The following NR2C1 variants were observed in gnomAD, a reference collection of about 807,000 sequenced individuals.
NR2C1 encodes the protein nuclear receptor subfamily 2 group C member 1, also known as TR2 nuclear hormone receptor.
NR2C1 carries 33 observed loss-of-function variants against 74.8 expected under a neutral mutation model. That is an observed-to-expected ratio of 0.44 (90% confidence interval 0.33 to 0.59). The LOEUF is 0.59. Among genes scored for constraint, NR2C1 ranks in the 20% least tolerant of loss-of-function variants. The probability of loss-of-function intolerance (pLI) is 0.02; values close to 1 mark genes in which losing one functional copy is unlikely to be tolerated. For synonymous variants in NR2C1, 225 were observed against 240.6 expected, an observed-to-expected ratio of 0.94 and a Z score of 0.60; for missense variants, 568 against 715.6, an observed-to-expected ratio of 0.79 and a Z score of 2.35.
intron 8 of NR2C1, 42 bp from the exon 9 acceptor site, chr12:95,049,275 G>A (rs750904172): frequency 3.3e-5 from 52 of 1,555,210 alleles, no homozygotes; most frequent in Non-Finnish European, 4.1e-5. Flanking sequence ...ACCAAACACC[G>A]CAATAAAATA....
intron 7 of NR2C1, among the ~76,000 whole-genome samples, chr12:95,056,023 C>G (rs1368828345): frequency 6.7e-6 from 1 of 149,812 alleles, no homozygotes; most frequent in Non-Finnish European, 1.5e-5. Context: ...CCCCAGCAAT[C>G]TGGAAGGCTG....
chr12:95,034,094 G>GT, intron 10 of NR2C1, among the ~76,000 whole-genome samples: 1 of 152,150 alleles, frequency 6.6e-6, no homozygotes, highest in East Asian at 1.9e-4. Context: ...GAAATCATTC[G>GT]TTAAGAATCA....
intron 10 of NR2C1, among the ~76,000 whole-genome samples, chr12:95,038,500 A>G (rs1036288208): frequency 1.3e-5 from 2 of 152,252 alleles, no homozygotes; most frequent in Non-Finnish European, 2.9e-5. Flanking sequence ...GCTCACGCCT[A>G]TAACACCAGC....
intron 9 of NR2C1, among the ~76,000 whole-genome samples, chr12:95,047,768 C>T (rs1424365666): frequency 6.6e-6 from 1 of 152,150 alleles, no homozygotes; most frequent in Non-Finnish European, 1.5e-5. Flanking sequence ...AGAGTCAAAA[C>T]AACAGGATCG....
chr12:95,046,190 T>TC (rs1453095409), intron 9 of NR2C1, among the ~76,000 whole-genome samples: 1 of 152,162 alleles, frequency 6.6e-6, no homozygotes, highest in Non-Finnish European at 1.5e-5. Context: ...AAATCAAACT[T>TC]CAAGTTTCAT....
chr12:95,053,833 G>GC (rs1565862077), intron 7 of NR2C1, among the ~76,000 whole-genome samples: 2 of 151,738 alleles, frequency 1.3e-5, no homozygotes, highest in Admixed American at 1.3e-4. Flanking sequence ...ACAGGCGCCC[G>GC]CCACCATGCC....
At chr12:95,049,398 G>A (rs1872691770) in intron 8 of NR2C1, 165 bp from the exon 9 acceptor site, 1 of 517,364 alleles carries the variant, frequency 1.9e-6, no homozygotes, top group African/African-American at 1.9e-5. Context: ...GGGATTACAG[G>A]TATAAGCCAC....
At chr12:95,027,106 A>G (rs2136093605) in intron 12 of NR2C1, among the ~76,000 whole-genome samples, 1 of 152,292 alleles carries the variant, frequency 6.6e-6, no homozygotes, top group African/African-American at 2.4e-5. Flanking sequence ...CCAGGCTAGA[A>G]TGCAGCAGCA....
chr12:95,023,326 G>A (rs1405249805), intron 13 of NR2C1, among the ~76,000 whole-genome samples: 2 of 152,156 alleles, frequency 1.3e-5, no homozygotes, highest in African/African-American at 2.4e-5. Flanking sequence ...AGAGGTTGCA[G>A]TGAGCCGAGA....
intron 1 of NR2C1, among the ~76,000 whole-genome samples, chr12:95,067,725 G>A (rs1443500677): frequency 6.6e-6 from 1 of 151,450 alleles, no homozygotes; most frequent in Non-Finnish European, 1.5e-5. Context: ...CACCACACCT[G>A]GCTAATTTTT....
In NR2C1 at chr12:95,057,606, T is replaced by C. The variant is rs1874109072; in HGVS notation, c.730A>G (p.Ile244Val). ...GLLDSGMFMN[I>V]HPSGVKTESA... Reference sequence around the variant, plus strand: ...TCAGTTTTTACTCCAGATGGATGAATATTCATGAACATTCCTGAATCTAAC... The same window carrying C: ...TCAGTTTTTACTCCAGATGGATGAACATTCATGAACATTCCTGAATCTAAC... The change falls in exon 7 of 14, where the codon ATT (isoleucine) becomes GTT (valine). Residue 244 changes from isoleucine to valine, a missense_variant. Around this residue, in one of 6 missense-constraint regions of NR2C1, gnomAD observed 239 missense variants for 232.3 expected, o/e 1.03. Coordinates refer to ENST00000333003, the MANE Select transcript of NR2C1 (RefSeq NM_003297.4). 1 of 1,614,104 alleles carries C rather than the reference T, an allele frequency of 6.2e-7. No individual in the cohort carries two copies.
chr12:95,061,832 G>A (rs1874827834), intron 3 of NR2C1, among the ~76,000 whole-genome samples: 1 of 152,092 alleles, frequency 6.6e-6, no homozygotes, highest in Admixed American at 6.6e-5. Flanking sequence ...ACAGGCATGT[G>A]GTGTATAAAA....
chr12:95,057,098 ATTTT>A (rs1184465413), intron 7 of NR2C1, among the ~76,000 whole-genome samples: 17 of 111,546 alleles, frequency 1.5e-4, no homozygotes, highest in East Asian at 7.0e-4. Context: ...AACATTTCTG[ATTTT>A]TTTTTTTTTT....
intron 10 of NR2C1, among the ~76,000 whole-genome samples, chr12:95,035,088 A>G (rs1261816063): frequency 1.3e-5 from 2 of 152,224 alleles, no homozygotes; most frequent in Admixed American, 6.5e-5. Context: ...ATGGAATACT[A>G]TAATAGAAGC....
At chr12:95,062,422 A>G in intron 3 of NR2C1, 86 bp downstream of exon 3, 1 of 844,906 alleles carries the variant, frequency 1.2e-6, no homozygotes, top group Admixed American at 2.7e-5. Flanking sequence ...GAATATACAT[A>G]GATCTAAAGT....
intron 7 of NR2C1, 94 bp from the exon 8 acceptor site, chr12:95,052,037 A>T (rs564756006): frequency 1.3e-6 from 1 of 771,670 alleles, no homozygotes; most frequent in South Asian, 2.5e-5. Flanking sequence ...TGCCAACAAA[A>T]GAACAGTATG....
At chr12:95,035,379 A>G (rs1236175120) in intron 10 of NR2C1, among the ~76,000 whole-genome samples, 1 of 152,194 alleles carries the variant, frequency 6.6e-6, no homozygotes, top group African/African-American at 2.4e-5. Flanking sequence ...ACTCAGTTTC[A>G]CTTTTAACCT....
At chr12:95,039,200 T>C (rs1871216778) in intron 10 of NR2C1, among the ~76,000 whole-genome samples, 1 of 152,256 alleles carries the variant, frequency 6.6e-6, no homozygotes, top group South Asian at 2.1e-4. Flanking sequence ...TCTGAGCACA[T>C]GATTTAATGC....
intron 9 of NR2C1, among the ~76,000 whole-genome samples, chr12:95,041,027 G>C (rs1871459264): frequency 6.6e-6 from 1 of 152,210 alleles, no homozygotes. Context: ...AGTAAGGAGT[G>C]CAACAGGCTT....
Sources: gnomAD v4.1 joint callset for allele counts (sites outside exome capture counted in the v4.1 genomes callset) on GRCh38, gnomAD v4.1.1 for gene constraint, gnomAD v4.1.1 regional missense constraint, MANE v1.5 for transcripts, NCBI Gene and HGNC (gene_info 2026-07-23, HGNC 2026-07-21) for gene names.